SELENOI: variants seen among roughly 807,000 people sequenced by gnomAD.
The protein encoded by SELENOI is selenoprotein I.
A neutral mutation model predicts 50.7 loss-of-function variants in SELENOI; 24 were observed. The ratio of observed to expected loss-of-function variants is 0.47; its 90% CI spans 0.34 to 0.67. The LOEUF (loss-of-function observed/expected upper bound fraction) is 0.67, where lower values mean the gene tolerates loss of function less well. SELENOI is among the 30% of genes least tolerant of loss of function. SELENOI has a pLI of 0.01. For synonymous variants in SELENOI, 155 were observed against 170.2 expected (o/e 0.91, Z 0.70); for missense variants, 352 against 461.4 (o/e 0.76, Z 2.17).
chr2:26,373,359 T>G lies in SELENOI; in HGVS notation c.311-8T>G. Reference sequence around the variant, plus strand: ...TTGAACTTTTCCTGTGGTTTGTTTTTGTTGCAGATGGTGTGGACGGAAAGC... The same window carrying G: ...TTGAACTTTTCCTGTGGTTTGTTTTGGTTGCAGATGGTGTGGACGGAAAGC... On this transcript the variant is annotated splice_polypyrimidine_tract_variant and splice_region_variant and intron_variant, in intron 4 of 9. Coordinates refer to ENST00000260585, the MANE Select transcript of SELENOI (RefSeq NM_033505.4). The G allele has an allele frequency of 6.2e-7, 1 of 1,602,642 alleles. No individual in the cohort carries two copies. The highest frequency in any genetic ancestry group is 8.5e-7 in the Non-Finnish European group (1 of 1,172,966).
chr2:26,368,541 G>C (rs1677338621), intron 4 of SELENOI, among the ~76,000 whole-genome samples: 2 of 152,126 alleles, frequency 1.3e-5, no homozygotes, highest in African/African-American at 4.8e-5. Flanking sequence ...ATTCTACCTA[G>C]TGTGACTATT....
At chr2:26,357,940 A>G (rs1444253172) in intron 1 of SELENOI, among the ~76,000 whole-genome samples, 1 of 152,122 alleles carries the variant, frequency 6.6e-6, no homozygotes, top group Non-Finnish European at 1.5e-5. Context: ...GTGGTAGTAA[A>G]TAAGTCTCAT....
intron 1 of SELENOI, among the ~76,000 whole-genome samples, chr2:26,361,936 G>T (rs1677187388): frequency 6.6e-6 from 1 of 152,052 alleles, no homozygotes; most frequent in African/African-American, 2.4e-5. Context: ...GGAATTATAG[G>T]CGTGAGCCAC....
chr2:26,372,876 A>C (rs1677486246), intron 4 of SELENOI, among the ~76,000 whole-genome samples: 1 of 152,072 alleles, frequency 6.6e-6, no homozygotes, highest in Non-Finnish European at 1.5e-5. Context: ...TTATTTCTGA[A>C]ATCTTTGTTT....
intron 6 of SELENOI, among the ~76,000 whole-genome samples, chr2:26,378,142 C>T (rs926064770): frequency 1.3e-5 from 2 of 151,894 alleles, no homozygotes; most frequent in Non-Finnish European, 2.9e-5. Flanking sequence ...TGGGCAAAGT[C>T]GATACTGAGA....
At chr2:26,368,960 A>T (rs1677348909) in intron 4 of SELENOI, among the ~76,000 whole-genome samples, 1 of 152,244 alleles carries the variant, frequency 6.6e-6, no homozygotes, top group African/African-American at 2.4e-5. Flanking sequence ...ACAATATATT[A>T]TGCCACAGAC....
In SELENOI at chr2:26,387,067, A is replaced by C. The variant is rs528833361; in HGVS notation, c.1095+531A>C. Among the ~76,000 whole-genome samples the C allele has an allele frequency of 9.2e-5, 14 of 152,306 alleles. No individual in the cohort carries two copies. The South Asian group carries it at 2.5e-3, about 27-fold the overall frequency. ...TGAAGGAAGACTTTGGCATTATTTG[A>C]GGTTTTACTTCATTTATGTTATTCT... On this transcript the variant is annotated intron_variant, in intron 9 of 9. Coordinates refer to ENST00000260585, the MANE Select transcript of SELENOI (RefSeq NM_033505.4).
chr2:26,385,165 A>C, intron 8 of SELENOI, 26 bp downstream of exon 8: 1 of 1,316,822 alleles, frequency 7.6e-7, no homozygotes, highest in Non-Finnish European at 1.0e-6. Context: ...TTTAAAAATC[A>C]TAATATATAT....
chr2:26,370,865 T>TGCTG (rs1677414323), intron 4 of SELENOI, among the ~76,000 whole-genome samples: 1 of 126,844 alleles, frequency 7.9e-6, no homozygotes. Context: ...ACGGGGCGGC[T>TGCTG]GGCCAGGCGG....
chr2:26,390,873 A>G lies in SELENOI; in HGVS notation c.*1770A>G, dbSNP rs2147965951. The G allele has an allele frequency of 6.6e-6, 1 of 152,338 alleles. No individual in the cohort carries two copies. Among genetic ancestry groups the G allele is most frequent in the Non-Finnish European group, 1.5e-5 (1 of 68,018 alleles). 9.4% of individuals were successfully genotyped at this position (152,338 alleles called of 1,614,324 possible). A position where few individuals can be genotyped will look rare whatever the true frequency, so the allele number is the denominator to read the frequency against. On this transcript the variant is annotated 3_prime_UTR_variant, in exon 10 of 10. Coordinates refer to ENST00000260585, the MANE Select transcript of SELENOI (RefSeq NM_033505.4). ...GATCTATAAAATTAAACTGGATAAA[A>G]TGTTAATTGGGGGTAGGGAAAAAGC... is the stretch of plus-strand genomic sequence containing the variant.
intron 8 of SELENOI, 105 bp from the exon 9 acceptor site, chr2:26,386,249 C>T: frequency 9.0e-7 from 1 of 1,111,336 alleles, no homozygotes; most frequent in Non-Finnish European, 1.3e-6. Flanking sequence ...TGTGTTGGTT[C>T]AGGTACTTGA....
In SELENOI at chr2:26,395,157, C is replaced by T. The variant is rs1025708767; in HGVS notation, c.*6054C>T. 1 of 152,152 alleles carries T rather than the reference C, an allele frequency of 6.6e-6. No individual in the cohort carries two copies. The highest frequency in any genetic ancestry group is 1.5e-5 in the Non-Finnish European group (1 of 68,030). The allele number at this position is 152,152 out of a possible 1,614,324, so 9.4% of individuals were successfully genotyped here. Reference sequence around the variant, plus strand: ...TGTGTGTATGCCTATTTAATATGTACACATATATTCACTACATATGTATGT... The same window carrying T: ...TGTGTGTATGCCTATTTAATATGTATACATATATTCACTACATATGTATGT... On this transcript the variant is annotated 3_prime_UTR_variant, in exon 10 of 10. Coordinates refer to ENST00000260585, the MANE Select transcript of SELENOI (RefSeq NM_033505.4).
At chr2:26,362,491 T>G (rs1001931406) in intron 1 of SELENOI, among the ~76,000 whole-genome samples, 1 of 152,140 alleles carries the variant, frequency 6.6e-6, no homozygotes, top group African/African-American at 2.4e-5. Context: ...CCAGGTCTGG[T>G]GGCTCACGCC....
intron 1 of SELENOI, among the ~76,000 whole-genome samples, chr2:26,362,234 T>C (rs368896521): frequency 6.6e-6 from 1 of 151,984 alleles, no homozygotes; most frequent in Non-Finnish European, 1.5e-5. Context: ...CGTGCCCGGC[T>C]AATTTTTTGT....
chr2:26,392,475 T>C lies in SELENOI; in HGVS notation c.*3372T>C, dbSNP rs1029083443. The C allele has an allele frequency of 2.6e-5, 4 of 152,390 alleles. No homozygotes were observed. Among genetic ancestry groups the C allele is most frequent in the East Asian group, 3.9e-4 (2 of 5,190 alleles). The allele number at this position is 152,390 out of a possible 1,614,324, so 9.4% of individuals were successfully genotyped here. ...CTACTTTTCCCCTTTATATTTTATA[T>C]AGAAGCCTATTTGTAATTCTTCCTC... On this transcript the variant is annotated 3_prime_UTR_variant, in exon 10 of 10. Transcript: ENST00000260585.
intron 6 of SELENOI, among the ~76,000 whole-genome samples, chr2:26,382,786 T>C (rs922279908): frequency 1.3e-5 from 2 of 151,878 alleles, no homozygotes; most frequent in African/African-American, 4.8e-5. Context: ...GACCCAGTAG[T>C]TCGTGACCAG....
rs567541241 is a variant in SELENOI at position 26,391,011 on chromosome 2, C to T, written c.*1908C>T. ...GAACTGATAAATATTTATAAAATGA[C>T]AAACTTGGACCACAGGCTTTCTTGA... On this transcript the variant is annotated 3_prime_UTR_variant, in exon 10 of 10. Transcript: ENST00000260585. 6.6e-6 allele frequency: 1 copy of T among 152,284 alleles called. No individual in the cohort carries two copies. The highest frequency in any genetic ancestry group is 2.1e-4 in the South Asian group (1 of 4,828). The allele number at this position is 152,284 out of a possible 1,614,324, so 9.4% of individuals were successfully genotyped here.
rs758363711 is a variant in SELENOI, at chr2:26,388,985, C to T, written c.1096-20C>T. The T allele has an allele frequency of 1.8e-5, 27 of 1,539,948 alleles. No individual in the cohort carries two copies. The highest frequency in any genetic ancestry group is 2.4e-5 in the Non-Finnish European group (27 of 1,130,198). ...ATAAGGTACATATTTGTCACTGTCT[C>T]ATGTTCTGATTTTTCATAGGTAAAG... On this transcript the variant is annotated intron_variant, in intron 9 of 9. Transcript: ENST00000260585.
At chr2:26,371,298 G>A (rs1417303546) in intron 4 of SELENOI, among the ~76,000 whole-genome samples, 1 of 151,664 alleles carries the variant, frequency 6.6e-6, no homozygotes, top group East Asian at 1.9e-4. Context: ...CCTCCCAGAC[G>A]GGGTGGCGGC....
Sources: allele counts gnomAD v4.1 joint callset (sites outside exome capture counted in the v4.1 genomes callset), GRCh38; gene constraint gnomAD v4.1.1; transcripts MANE v1.5; gene names NCBI Gene and HGNC (gene_info 2026-07-23, HGNC 2026-07-21).